The following SRL variants were observed in gnomAD, a reference collection of about 807,000 sequenced individuals.
SRL encodes the protein sarcalumenin.
In SRL, 23 loss-of-function variants were observed where a neutral mutation model predicts 39.5. The ratio of observed to expected loss-of-function variants is 0.58; its 90% CI spans 0.42 to 0.82. The LOEUF is 0.82. Among genes scored for constraint, SRL ranks in the 40% least tolerant of loss-of-function variants. SRL has a pLI of 0.00. For missense variants in SRL, 592 were observed against 607.8 expected, an observed-to-expected ratio of 0.97 and a Z score of 0.27; for synonymous variants, 272 against 237.4, an observed-to-expected ratio of 1.15 and a Z score of -1.34.
intron 1 of SRL, among the ~76,000 whole-genome samples, chr16:4,223,989 C>G (rs2052559274): frequency 6.6e-6 from 1 of 152,088 alleles, no homozygotes; most frequent in South Asian, 2.1e-4. Context: ...GATAATATTC[C>G]TGGGAGGAGA....
chr16:4,238,163 G>A (rs184187868), intron 1 of SRL, among the ~76,000 whole-genome samples: 18 of 152,328 alleles, frequency 1.2e-4, no homozygotes, highest in East Asian at 5.8e-4. Flanking sequence ...CTTATGCTGC[G>A]ATGAGGCCTG....
chr16:4,198,773 G>A lies in SRL; in HGVS notation c.260-858C>T, dbSNP rs2052182292. 2.6e-5 allele frequency among the ~76,000 whole-genome samples: 4 copies of A among 152,112 alleles called. No individual in the cohort carries two copies. The South Asian group carries it at 8.3e-4, about 31-fold the overall frequency. ...CTTCTAGGGCCACTCTCAAACACTAGCCTCTAAAGTCCATGACAAATTTGC... is the reference window on the plus strand; with the variant it reads ...CTTCTAGGGCCACTCTCAAACACTAACCTCTAAAGTCCATGACAAATTTGC... On this transcript the variant is annotated intron_variant, in intron 3 of 5. Transcript: ENST00000399609.
At chr16:4,225,509 G>A (rs1028931580) in intron 1 of SRL, among the ~76,000 whole-genome samples, 43 of 152,242 alleles carry the variant, frequency 2.8e-4, no homozygotes, top group East Asian at 5.8e-4. Context: ...GCCTGAGCCC[G>A]GGAGTTTGAG....
At chr16:4,236,368 C>T (rs943232084) in intron 1 of SRL, among the ~76,000 whole-genome samples, 1 of 152,114 alleles carries the variant, frequency 6.6e-6, no homozygotes, top group African/African-American at 2.4e-5. Context: ...AGGTCACTGT[C>T]TCTTCTTGGG....
At chr16:4,228,509 G>A (rs558206953) in intron 1 of SRL, among the ~76,000 whole-genome samples, 1 of 152,212 alleles carries the variant, frequency 6.6e-6, no homozygotes, top group African/African-American at 2.4e-5. Context: ...GCCGAGGCGG[G>A]CGGATCACTA....
At chr16:4,222,225 C>A (rs770798068) in intron 1 of SRL, among the ~76,000 whole-genome samples, 3 of 152,226 alleles carry the variant, frequency 2.0e-5, no homozygotes, top group Non-Finnish European at 2.9e-5. Flanking sequence ...CCCGACCCCT[C>A]CTCTGGTCTG....
At chr16:4,240,392 C>T (rs1256476662) in intron 1 of SRL, among the ~76,000 whole-genome samples, 2 of 152,070 alleles carry the variant, frequency 1.3e-5, no homozygotes, top group Non-Finnish European at 2.9e-5. Flanking sequence ...CAGGAGGAGG[C>T]CTATTCTGGG....
chr16:4,192,709 T>A lies in SRL; in HGVS notation c.866A>T (p.Tyr289Phe). 1 of 1,614,174 alleles carries A rather than the reference T, an allele frequency of 6.2e-7. No individual in the cohort carries two copies. Among genetic ancestry groups the A allele is most frequent in the Non-Finnish European group, 8.5e-7 (1 of 1,180,016 alleles). ...LINVTEPPRV[Y>F]VSSFWPQEYK... ...CTCTTGTGGCCAGAAGGAGCTGACGTAAACCCTTGGGGGCTCTGTGACATT... is the reference window on the plus strand; with the variant it reads ...CTCTTGTGGCCAGAAGGAGCTGACGAAAACCCTTGGGGGCTCTGTGACATT... Residue 289 changes from tyrosine (Y) to phenylalanine (F), a missense_variant, in exon 6 of 6, where the codon TAC becomes TTC. By Grantham distance (22) the Tyr-to-Phe change is conservative (BLOSUM62 3). Transcript: ENST00000399609. This position sits in a 1 kb window ranked among gnomAD's most constrained non-coding sequence, Gnocchi z 4.0.
chr16:4,214,063 C>T (rs946110976), intron 1 of SRL, among the ~76,000 whole-genome samples: 1 of 152,156 alleles, frequency 6.6e-6, no homozygotes, highest in Admixed American at 6.5e-5. Context: ...CAAGGGGATT[C>T]TACAGAACAC....
intron 4 of SRL, among the ~76,000 whole-genome samples, chr16:4,196,628 C>G (rs942586218): frequency 6.6e-6 from 1 of 151,904 alleles, no homozygotes; most frequent in African/African-American, 2.4e-5. Flanking sequence ...TTACAGGTGC[C>G]CAGCACCATG....
intron 1 of SRL, among the ~76,000 whole-genome samples, chr16:4,236,301 T>C (rs2052713303): frequency 2.0e-5 from 3 of 152,128 alleles, no homozygotes; most frequent in Admixed American, 6.5e-5. Flanking sequence ...CCTCAGCATC[T>C]CTGTGATATT....
At chr16:4,202,963 G>A (rs2052256956) in intron 3 of SRL, among the ~76,000 whole-genome samples, 1 of 152,224 alleles carries the variant, frequency 6.6e-6, no homozygotes, top group African/African-American at 2.4e-5. Context: ...TGGTGAAAGG[G>A]TAGTTCCGTG....
At chr16:4,207,892 C>T (rs561298700) in intron 1 of SRL, 36 of 456,554 alleles carry the variant, frequency 7.9e-5, no homozygotes, top group East Asian at 6.3e-4. Context: ...GCTTCAGGAT[C>T]GGGGCCCGCG....
intron 4 of SRL, 102 bp downstream of exon 4, chr16:4,197,697 A>G (rs2052167752): frequency 1.1e-6 from 1 of 910,998 alleles, no homozygotes; most frequent in Non-Finnish European, 1.8e-6. Context: ...ATGTGCTGGG[A>G]TTACAGGCAT....
intron 1 of SRL, among the ~76,000 whole-genome samples, chr16:4,206,364 C>T (rs2052318355): frequency 1.3e-5 from 2 of 152,186 alleles, no homozygotes; most frequent in Admixed American, 1.3e-4. Context: ...CCCAACCCAC[C>T]CCCATCCATT....
intron 4 of SRL, among the ~76,000 whole-genome samples, chr16:4,196,583 C>T (rs542930319): frequency 2.7e-5 from 4 of 150,864 alleles, no homozygotes; most frequent in Admixed American, 6.6e-5. Context: ...CGGGTTCAAG[C>T]GATTCTCCTG....
chr16:4,231,601 C>T (rs943299971), intron 1 of SRL, among the ~76,000 whole-genome samples: 3 of 152,188 alleles, frequency 2.0e-5, no homozygotes, highest in African/African-American at 7.2e-5. Context: ...TTATTTTTAG[C>T]TGCTGATTAC....
At chr16:4,204,401 C>CACGATACAGCCCCGGCCTCT in intron 2 of SRL, 132 bp downstream of exon 2, 2 of 794,596 alleles carry the variant, frequency 2.5e-6, no homozygotes, top group Non-Finnish European at 4.0e-6. Context: ...CTCCAGCCTC[C>CACGATACAGCCCCGGCCTCT]AAGATAGATA....
chr16:4,216,186 C>G (rs543165449), intron 1 of SRL, among the ~76,000 whole-genome samples: 20 of 152,278 alleles, frequency 1.3e-4, no homozygotes, highest in African/African-American at 3.6e-4. Context: ...ATCCCACAAC[C>G]ATCATATATA....
Sources: gnomAD v4.1 joint callset for allele counts (sites outside exome capture counted in the v4.1 genomes callset) on GRCh38, gnomAD v4.1.1 for gene constraint, Gnocchi (gnomAD v3.1) non-coding constraint, MANE v1.5 for transcripts, NCBI Gene and HGNC (gene_info 2026-07-23, HGNC 2026-07-21) for gene names.